The following PHEX variants were observed in gnomAD, a reference collection of about 807,000 sequenced individuals.
The protein encoded by PHEX is phosphate-regulating neutral endopeptidase PHEX.
Under a neutral mutation model 68.0 loss-of-function variants are expected in PHEX, and 16 were observed. That is an observed-to-expected ratio of 0.24 (90% CI 0.16 to 0.36). PHEX has a LOEUF of 0.36. PHEX is among the 10% of genes least tolerant of loss of function. PHEX has a pLI of 1.00. For synonymous variants in PHEX, 208 were observed against 205.1 expected (o/e 1.01, Z -0.12); for missense variants, 480 against 575.5 (o/e 0.83, Z 1.70).
chrX:22,229,876 C>A (rs1935650491), intron 20 of PHEX, among the ~76,000 whole-genome samples: 1 of 111,857 alleles, frequency 8.9e-6, no homozygotes, highest in Non-Finnish European at 1.9e-5. Context: ...GGCTTTAGGT[C>A]TTAAGTTTGT....
At chrX:22,195,268 C>T (rs1366624526) in intron 15 of PHEX, among the ~76,000 whole-genome samples, 2 of 111,831 alleles carry the variant, frequency 1.8e-5, no homozygotes, top group Non-Finnish European at 3.8e-5. Context: ...ATATAAAGAT[C>T]GGCAGGGGGG....
At position 22,206,031 on chromosome X, in the gene PHEX, C is replaced by A. The variant is rs5951515; in HGVS notation, c.1646-6873C>A. ...TGGTATTTGCATAAAACTGGCTGGA[C>A]TATTTAGCTTGTTAATATCTGTATT... On this transcript the variant is annotated intron_variant, in intron 15 of 21. Transcript: ENST00000379374. 4.6e-3 allele frequency among the ~76,000 whole-genome samples: 511 copies of A among 112,030 alleles called. 2 individuals are homozygous for A. Among genetic ancestry groups the A allele is most frequent in the African/African-American group, 0.016 (487 of 30,892 alleles).
chrX:22,041,241 A>ATCTCTCTCTCTCTCTCTC (rs778017024), intron 2 of PHEX, among the ~76,000 whole-genome samples: 4 of 51,151 alleles, frequency 7.8e-5, no homozygotes, highest in Admixed American at 2.3e-4. Flanking sequence ...TTCTTAAGTG[A>ATCTCTCTCTCTCTCTCTC]TCTCTCTCTC....
At chrX:22,195,163 G>C (rs1934323322) in intron 15 of PHEX, among the ~76,000 whole-genome samples, 1 of 112,097 alleles carries the variant, frequency 8.9e-6, no homozygotes, top group Non-Finnish European at 1.9e-5. Context: ...AATTTGTAAA[G>C]TGCCAGCACA....
chrX:22,238,048 G>C (rs188924344), intron 20 of PHEX, among the ~76,000 whole-genome samples: 1 of 111,952 alleles, frequency 8.9e-6, no homozygotes. Flanking sequence ...AGGCCGAGGC[G>C]GGTGGATTGC....
chrX:22,106,076 G>GT (rs11403243), intron 9 of PHEX, among the ~76,000 whole-genome samples: 16,471 of 110,252 alleles, frequency 0.15, 1,047 homozygotes, highest in East Asian at 0.31. Flanking sequence ...CTGAAAATGT[G>GT]TTTTTTTGGG....
intron 11 of PHEX, among the ~76,000 whole-genome samples, chrX:22,120,153 G>A (rs780126818): frequency 1.8e-5 from 2 of 111,996 alleles, no homozygotes; most frequent in East Asian, 2.8e-4. Context: ...CTTTCAGTGT[G>A]TGAACTCACT....
At chrX:22,041,832 A>G (rs1235346754) in intron 2 of PHEX, among the ~76,000 whole-genome samples, 1 of 111,582 alleles carries the variant, frequency 9.0e-6, no homozygotes, top group East Asian at 2.8e-4. Context: ...TGTATTATGA[A>G]TCATAATAAT....
chrX:22,136,500 A>T (rs762939016), intron 12 of PHEX, among the ~76,000 whole-genome samples: 5 of 112,168 alleles, frequency 4.5e-5, no homozygotes, highest in African/African-American at 1.6e-4. Context: ...GCCAATGCTG[A>T]GTCACTTGGC....
intron 15 of PHEX, among the ~76,000 whole-genome samples, chrX:22,198,853 A>G (rs182215953): frequency 1.8e-5 from 2 of 111,848 alleles, no homozygotes; most frequent in Admixed American, 1.9e-4. Context: ...TGGGTAATTT[A>G]TAAAGGAAAG....
chrX:22,063,214 G>A (rs1426881235), intron 3 of PHEX, among the ~76,000 whole-genome samples: 3 of 112,332 alleles, frequency 2.7e-5, no homozygotes. Context: ...TGCTTTGCTA[G>A]TTGACATTAA....
intron 14 of PHEX, among the ~76,000 whole-genome samples, chrX:22,186,385 A>G (rs1202318317): frequency 8.9e-6 from 1 of 112,437 alleles, no homozygotes; most frequent in African/African-American, 3.2e-5. Flanking sequence ...AGGCTAACCC[A>G]TAATCAAGGG....
intron 9 of PHEX, among the ~76,000 whole-genome samples, chrX:22,106,295 C>T (rs1444915689): frequency 9.0e-6 from 1 of 111,614 alleles, no homozygotes; most frequent in Non-Finnish European, 1.9e-5. Flanking sequence ...GCCATTGTCT[C>T]GCTGTGTGAA....
At chrX:22,217,176 A>C (rs1407738820) in intron 16 of PHEX, among the ~76,000 whole-genome samples, 1 of 112,052 alleles carries the variant, frequency 8.9e-6, no homozygotes, top group Admixed American at 9.5e-5. Context: ...AGAGACCTGG[A>C]AAAACTAAAT....
intron 17 of PHEX, 115 bp from the exon 18 acceptor site, chrX:22,221,498 G>T: frequency 1.6e-6 from 1 of 606,919 alleles, no homozygotes. Flanking sequence ...ATCTCAGGAA[G>T]AGTGTTCCCT....
chrX:22,139,445 A>T (rs1207623531), intron 12 of PHEX, among the ~76,000 whole-genome samples: 1 of 112,020 alleles, frequency 8.9e-6, no homozygotes, highest in Non-Finnish European at 1.9e-5. Flanking sequence ...CACAAAAGTA[A>T]ATATCTGGTA....
chrX:22,070,500 C>T (rs944916300), intron 3 of PHEX, among the ~76,000 whole-genome samples: 1 of 111,346 alleles, frequency 9.0e-6, no homozygotes, highest in African/African-American at 3.3e-5. Context: ...GGCAATATAG[C>T]GAGACCCCAT....
chrX:22,145,718 C>T (rs1360228028), intron 12 of PHEX, among the ~76,000 whole-genome samples: 2 of 110,979 alleles, frequency 1.8e-5, no homozygotes, highest in South Asian at 3.8e-4. Flanking sequence ...TTCATTGATT[C>T]GTGATTCCAT....
intron 3 of PHEX, among the ~76,000 whole-genome samples, chrX:22,063,309 TAAGAA>T (rs1361364812): frequency 8.9e-6 from 1 of 112,489 alleles, no homozygotes; most frequent in African/African-American, 3.2e-5. Flanking sequence ...CAGAATAATA[TAAGAA>T]AAGAGATTTT....
Sources: gnomAD v4.1 joint callset for allele counts (sites outside exome capture counted in the v4.1 genomes callset) on GRCh38, gnomAD v4.1.1 for gene constraint, MANE v1.5 for transcripts, NCBI Gene and HGNC (gene_info 2026-07-23, HGNC 2026-07-21) for gene names.